Variants in NFATC1 observed in about 807,000 individuals in gnomAD.
NFATC1 encodes nuclear factor of activated T cells 1.
NFATC1 carries 22 observed loss-of-function variants against 76.0 expected under a neutral mutation model. The ratio of observed to expected loss-of-function variants is 0.29; its 90% CI spans 0.21 to 0.41. The LOEUF is 0.41. Among genes scored for constraint, NFATC1 ranks in the 10% least tolerant of loss-of-function variants. NFATC1 has a pLI of 1.00. For missense variants in NFATC1, 1,357 were observed against 1,337.7 expected, an observed-to-expected ratio of 1.01 and a Z score of -0.23; for synonymous variants, 704 against 613.1, an observed-to-expected ratio of 1.15 and a Z score of -2.19.
At chr18:79,404,167 G>A (rs982408982) in intron 1 of NFATC1, among the ~76,000 whole-genome samples, 3 of 152,226 alleles carry the variant, frequency 2.0e-5, no homozygotes, top group Non-Finnish European at 4.4e-5. Flanking sequence ...GTCGGACCAG[G>A]GGGAATATTC....
chr18:79,413,528 GGGTTGGGGCCACCCT>G (rs1400200037), intron 2 of NFATC1, among the ~76,000 whole-genome samples: 1 of 152,208 alleles, frequency 6.6e-6, no homozygotes, highest in African/African-American at 2.4e-5. Flanking sequence ...TGGTCCTGCT[GGGTTGGGGCCACCCT>G]GGTGGCCTCA....
intron 1 of NFATC1, among the ~76,000 whole-genome samples, 170 bp downstream of exon 1, chr18:79,396,521 C>T (rs1228317280): frequency 6.6e-6 from 1 of 152,052 alleles, no homozygotes; most frequent in African/African-American, 2.4e-5. Flanking sequence ...ACGGCGTCCC[C>T]CAGCTCCCAG....
intron 5 of NFATC1, among the ~76,000 whole-genome samples, chr18:79,451,401 T>G (rs1232812397): frequency 6.6e-6 from 1 of 152,248 alleles, no homozygotes; most frequent in Non-Finnish European, 1.5e-5. Flanking sequence ...TGCGCTGACC[T>G]TTGCGTATTT....
intron 1 of NFATC1, chr18:79,402,305 G>A: frequency 2.0e-6 from 2 of 985,232 alleles, no homozygotes; most frequent in Non-Finnish European, 1.2e-6. Flanking sequence ...CGGGCTTCCT[G>A]CTGGCATCGG....
intron 1 of NFATC1, chr18:79,400,255 C>CA (rs1568907474): frequency 1.1e-5 from 11 of 1,030,288 alleles, no homozygotes; most frequent in Non-Finnish European, 1.3e-5. Flanking sequence ...GGAAACGCCC[C>CA]GGGGGGCGGG....
At chr18:79,419,742 C>G (rs528439400) in intron 2 of NFATC1, among the ~76,000 whole-genome samples, 1 of 152,336 alleles carries the variant, frequency 6.6e-6, no homozygotes, top group East Asian at 1.9e-4. Context: ...AGGATTTGCT[C>G]CTGCGCCAAC....
At chr18:79,507,463 G>A (rs938689043) in intron 9 of NFATC1, among the ~76,000 whole-genome samples, 2 of 152,256 alleles carry the variant, frequency 1.3e-5, no homozygotes, top group African/African-American at 2.4e-5. Flanking sequence ...GCTGGCTGGC[G>A]CAGCCTCTGC....
chr18:79,507,149 G>T (rs907511805), intron 9 of NFATC1, among the ~76,000 whole-genome samples: 1 of 152,184 alleles, frequency 6.6e-6, no homozygotes, highest in Non-Finnish European at 1.5e-5. Context: ...CCTGGCCCGC[G>T]TCCCACCCCA....
chr18:79,485,754 GTT>G (rs953900380), intron 8 of NFATC1, among the ~76,000 whole-genome samples: 2 of 152,234 alleles, frequency 1.3e-5, no homozygotes, highest in African/African-American at 4.8e-5. Flanking sequence ...CCATGACAGT[GTT>G]TTTCTTTCGC....
intron 3 of NFATC1, among the ~76,000 whole-genome samples, chr18:79,446,680 C>T (rs533974539): frequency 2.0e-5 from 3 of 152,120 alleles, no homozygotes; most frequent in Admixed American, 2.0e-4. Context: ...TGTGTGGAGA[C>T]ACTCATGTAT....
chr18:79,427,887 T>TGG (rs1189710539), intron 2 of NFATC1, among the ~76,000 whole-genome samples: 106 of 94,568 alleles, frequency 1.1e-3, no homozygotes, highest in Middle Eastern at 7.5e-3. Context: ...CTCTGTGCAG[T>TGG]GAGTCGGGGA....
At chr18:79,446,101 C>A (rs1306730056) in intron 3 of NFATC1, among the ~76,000 whole-genome samples, 1 of 152,194 alleles carries the variant, frequency 6.6e-6, no homozygotes, top group Non-Finnish European at 1.5e-5. Flanking sequence ...AGGATTCTGA[C>A]AGGTTCTGTA....
At chr18:79,419,788 G>A (rs1383386852) in intron 2 of NFATC1, among the ~76,000 whole-genome samples, 2 of 152,226 alleles carry the variant, frequency 1.3e-5, no homozygotes, top group African/African-American at 4.8e-5. Flanking sequence ...TGGGCCTGGT[G>A]GTAGGTGCTT....
intron 9 of NFATC1, among the ~76,000 whole-genome samples, chr18:79,519,261 C>T (rs2090456921): frequency 2.0e-5 from 3 of 152,358 alleles, no homozygotes; most frequent in Admixed American, 6.5e-5. Flanking sequence ...AGTTGTTTCA[C>T]TACCATCTGA....
rs202220583 is a variant in NFATC1 at position 79,486,581 on chromosome 18, C to T, written c.2426C>T (p.Thr809Met). Residue 809 changes from threonine (T) to methionine (M), a missense_variant, in exon 9 of 10, where the codon ACG (threonine) becomes ATG (methionine). Thr to Met is a moderately conservative substitution (Grantham distance 81). Coordinates refer to ENST00000427363, the MANE Select transcript of NFATC1 (RefSeq NM_001278669.2). ...CAGGACGTGCCCAGGCCAGTGGCCA[C>T]GCACCCCGGCTCGCCCGGGCAGCCA... ...AVQDVPRPVA[T>M]HPGSPGQPPP... is the part of the protein sequence containing the mutation. The T allele has an allele frequency of 1.4e-4, 217 of 1,590,178 alleles. No homozygotes were observed. In the African/African-American group the frequency reaches 2.6e-3, roughly 19 times the overall value.
intron 9 of NFATC1, among the ~76,000 whole-genome samples, chr18:79,495,489 G>T (rs3786215): frequency 6.6e-6 from 1 of 152,160 alleles, no homozygotes; most frequent in Non-Finnish European, 1.5e-5. Flanking sequence ...AGCTTGTTTC[G>T]GCGTTAAGTG....
chr18:79,508,458 T>C (rs762773130), intron 9 of NFATC1, among the ~76,000 whole-genome samples: 2 of 151,200 alleles, frequency 1.3e-5, no homozygotes, highest in African/African-American at 4.8e-5. Flanking sequence ...TCAGAAATGT[T>C]TGTCAGAGCC....
At chr18:79,447,525 C>T (rs959806233) in intron 3 of NFATC1, among the ~76,000 whole-genome samples, 1 of 152,220 alleles carries the variant, frequency 6.6e-6, no homozygotes, top group Non-Finnish European at 1.5e-5. Flanking sequence ...ATGAGTGGTT[C>T]CCGGGGCTGG....
intron 2 of NFATC1, among the ~76,000 whole-genome samples, chr18:79,426,353 C>T (rs1378325408): frequency 1.3e-5 from 2 of 152,100 alleles, no homozygotes; most frequent in Non-Finnish European, 2.9e-5. Context: ...GGTTCAGGGG[C>T]ATGAACGGCT....
Sources: gnomAD v4.1 joint callset for allele counts (sites outside exome capture counted in the v4.1 genomes callset) on GRCh38, gnomAD v4.1.1 for gene constraint, MANE v1.5 for transcripts, NCBI Gene and HGNC (gene_info 2026-07-23, HGNC 2026-07-21) for gene names.